The following NRXN3 variants were observed in gnomAD, a reference collection of about 807,000 sequenced individuals.
The protein encoded by NRXN3 is neurexin 3.
Under a neutral mutation model 137.6 loss-of-function variants are expected in NRXN3, and 32 were observed. The observed-to-expected ratio is 0.23, with a 90% confidence interval of 0.18 to 0.31. The LOEUF is 0.31. Ranked by LOEUF, NRXN3 falls within the 10% of genes least tolerant of loss-of-function variation. The pLI is 1.00. For synonymous variants in NRXN3, 798 were observed against 784.5 expected, an observed-to-expected ratio of 1.02 and a Z score of -0.29; for missense variants, 1,574 against 2,062.5, an observed-to-expected ratio of 0.76 and a Z score of 4.59.
intron 15 of NRXN3, among the ~76,000 whole-genome samples, chr14:79,139,140 C>T (rs573255343): frequency 4.3e-4 from 65 of 152,298 alleles, no homozygotes; most frequent in Middle Eastern, 3.4e-3. Flanking sequence ...GAAATAAGAA[C>T]ATTGGAGCAT....
chr14:79,233,390 T>A (rs1201660861), intron 15 of NRXN3, among the ~76,000 whole-genome samples: 1 of 152,134 alleles, frequency 6.6e-6, no homozygotes, highest in Non-Finnish European at 1.5e-5. Context: ...TCACATGCAC[T>A]CCAGTACAAC....
intron 19 of NRXN3, among the ~76,000 whole-genome samples, chr14:79,700,972 A>G (rs1030086784): frequency 3.3e-5 from 5 of 152,100 alleles, no homozygotes; most frequent in Non-Finnish European, 7.4e-5. Flanking sequence ...TCTCAAGTAA[A>G]GGCCTGGCAC....
rs1390485715 is a variant in NRXN3 at position 78,495,015 on chromosome 14, GCTT to G, written c.758-150101_758-150099del. On this transcript the variant is annotated intron_variant, in intron 4 of 20. Coordinates refer to ENST00000335750, the MANE Select transcript of NRXN3 (RefSeq NM_001330195.2). Reference sequence around the variant, plus strand: ...GAATATGGAAGTGTTTGCCTAGTGGGCTTCTTTTCAAAAGCTCAAGAACTTTTT... The same window carrying G: ...GAATATGGAAGTGTTTGCCTAGTGGGCTTTTCAAAAGCTCAAGAACTTTTT... 3.4e-3 allele frequency among the ~76,000 whole-genome samples: 515 copies of G among 151,848 alleles called. 4 individuals are homozygous for G. The highest frequency in any genetic ancestry group is 0.012 in the African/African-American group (489 of 41,414).
intron 4 of NRXN3, among the ~76,000 whole-genome samples, chr14:78,548,076 A>C (rs1309006702): frequency 6.6e-6 from 1 of 152,228 alleles, no homozygotes; most frequent in Non-Finnish European, 1.5e-5. Context: ...CTTGTTATCT[A>C]TATTAAACAT....
At chr14:78,771,944 T>C (rs1026193943) in intron 8 of NRXN3, among the ~76,000 whole-genome samples, 1 of 152,182 alleles carries the variant, frequency 6.6e-6, no homozygotes, top group African/African-American at 2.4e-5. Flanking sequence ...GATATTTACA[T>C]GTACATAATA....
At chr14:78,780,503 TA>T (rs1165642429) in intron 8 of NRXN3, among the ~76,000 whole-genome samples, 4 of 151,994 alleles carry the variant, frequency 2.6e-5, no homozygotes, top group African/African-American at 9.7e-5. Context: ...TATGATAAAT[TA>T]AAAGACGAGC....
intron 8 of NRXN3, among the ~76,000 whole-genome samples, chr14:78,746,372 T>G (rs1337681034): frequency 6.6e-6 from 1 of 152,208 alleles, no homozygotes; most frequent in Non-Finnish European, 1.5e-5. Flanking sequence ...TTATGCTTTT[T>G]CACAAAAGCA....
intron 4 of NRXN3, among the ~76,000 whole-genome samples, chr14:78,450,392 C>A (rs2153705217): frequency 1.3e-5 from 2 of 152,220 alleles, no homozygotes; most frequent in South Asian, 4.2e-4. Context: ...GTGGCTGTTG[C>A]CACATTGTGT....
At chr14:78,780,014 TG>T (rs2098763139) in intron 8 of NRXN3, among the ~76,000 whole-genome samples, 1 of 151,880 alleles carries the variant, frequency 6.6e-6, no homozygotes, top group African/African-American at 2.4e-5. Context: ...CTCTTGGGGG[TG>T]GGGAAAAACC....
chr14:79,405,943 G>A (rs528437412), intron 15 of NRXN3, among the ~76,000 whole-genome samples: 1 of 152,186 alleles, frequency 6.6e-6, no homozygotes, highest in African/African-American at 2.4e-5. Flanking sequence ...TATTCTGCCA[G>A]CCATTCAACA....
At chr14:78,438,093 TATAGTAA>T (rs2094131797) in intron 4 of NRXN3, among the ~76,000 whole-genome samples, 1 of 152,096 alleles carries the variant, frequency 6.6e-6, no homozygotes, top group South Asian at 2.1e-4. Context: ...TTGGATGTTT[TATAGTAA>T]AATTGACAGG....
At chr14:78,583,823 G>A (rs889282264) in intron 4 of NRXN3, among the ~76,000 whole-genome samples, 1 of 152,154 alleles carries the variant, frequency 6.6e-6, no homozygotes, top group African/African-American at 2.4e-5. Flanking sequence ...TATTTTCTGT[G>A]CTGTGGGTTT....
intron 19 of NRXN3, among the ~76,000 whole-genome samples, chr14:79,778,635 C>T (rs1287052791): frequency 2.7e-5 from 4 of 149,626 alleles, no homozygotes; most frequent in African/African-American, 9.8e-5. Context: ...GTATAGCCCC[C>T]TTTTAAAAGA....
intron 10 of NRXN3, among the ~76,000 whole-genome samples, chr14:78,894,008 A>G (rs186941357): frequency 0.011 from 1,664 of 152,030 alleles, 103 homozygotes; most frequent in Admixed American, 0.096. Context: ...TGATAATCTG[A>G]GCATACAGTG....
rs534154388 is a variant in NRXN3, at chr14:78,770,160, C to T, written c.2045-33460C>T. Among the ~76,000 whole-genome samples, 3 of 152,300 alleles carry T rather than the reference C, an allele frequency of 2.0e-5. No individual in the cohort carries two copies. In the South Asian group the frequency reaches 6.2e-4, roughly 32 times the overall value. On this transcript the variant is annotated intron_variant, in intron 8 of 20. Coordinates refer to ENST00000335750, the MANE Select transcript of NRXN3 (RefSeq NM_001330195.2). ...ATAGTTGTAATTTGGCTTGTATCAA[C>T]ATCCCTATTTTTGCAGATGAGTAAA...
intron 16 of NRXN3, among the ~76,000 whole-genome samples, chr14:79,623,796 A>AT (rs1402681188): frequency 1.4e-5 from 2 of 141,630 alleles, no homozygotes; most frequent in Admixed American, 7.0e-5. Context: ...TAGAATTTAC[A>AT]TTTTTTTAAT....
At chr14:79,543,831 G>C (rs188150900) in intron 16 of NRXN3, among the ~76,000 whole-genome samples, 7 of 152,248 alleles carry the variant, frequency 4.6e-5, no homozygotes, top group Non-Finnish European at 8.8e-5. Flanking sequence ...TGTGAGTTTA[G>C]AGTTGTCAGC....
intron 20 of NRXN3, chr14:79,853,866 A>G (rs2099396938): frequency 1.0e-6 from 1 of 986,434 alleles, no homozygotes; most frequent in African/African-American, 1.7e-5. Context: ...TTATAAAAGT[A>G]AACAGGTTTT....
At chr14:78,399,481 A>G (rs946408995) in intron 4 of NRXN3, among the ~76,000 whole-genome samples, 1 of 152,218 alleles carries the variant, frequency 6.6e-6, no homozygotes, top group Admixed American at 6.5e-5. Flanking sequence ...GGAAATACGA[A>G]GGTTCCCAGG....
Sources: allele counts gnomAD v4.1 joint callset (sites outside exome capture counted in the v4.1 genomes callset), GRCh38; gene constraint gnomAD v4.1.1; transcripts MANE v1.5; gene names NCBI Gene and HGNC (gene_info 2026-07-23, HGNC 2026-07-21).